Variants in UNC13A observed in about 807,000 individuals in gnomAD.
The protein encoded by UNC13A is unc-13 homolog A.
Under a neutral mutation model 219.7 loss-of-function variants are expected in UNC13A, and 61 were observed. The ratio of observed to expected loss-of-function variants is 0.28; its 90% CI spans 0.23 to 0.34. UNC13A has a LOEUF of 0.34. Among genes scored for constraint, UNC13A ranks in the 10% least tolerant of loss-of-function variants. UNC13A has a pLI of 1.00. For synonymous variants in UNC13A, 920 were observed against 884.6 expected (o/e 1.04, Z -0.71); for missense variants, 1,476 against 2,270.3 (o/e 0.65, Z 7.11).
In UNC13A at chr19:17,620,672, A is replaced by C. The variant is rs368358069; in HGVS notation, c.4272+21T>G. On this transcript the variant is annotated intron_variant, in intron 38 of 43. Coordinates refer to ENST00000519716, the MANE Select transcript of UNC13A (RefSeq NM_001080421.3). The stretch of plus-strand genomic sequence containing the variant: ...GGGGAGTGGGATGGGAGCCAGACAG[A>C]CAGTGAGAGGCCGGTCTTACGTCTG... 128 of 1,611,142 alleles carry C rather than the reference A, an allele frequency of 7.9e-5. 1 individual carries two copies. In the Middle Eastern group the frequency reaches 2.3e-3, roughly 29 times the overall value.
At chr19:17,630,522 A>G (rs1444180530) in intron 29 of UNC13A, 132 bp downstream of exon 29, 2 of 1,205,996 alleles carry the variant, frequency 1.7e-6, no homozygotes, top group African/African-American at 3.1e-5. Context: ...TGAACAAAAG[A>G]TTTTAAAAAC....
intron 1 of UNC13A, among the ~76,000 whole-genome samples, chr19:17,683,100 C>T (rs1228933398): frequency 6.6e-6 from 1 of 152,052 alleles, no homozygotes; most frequent in Non-Finnish European, 1.5e-5. Flanking sequence ...AAGGCAATCC[C>T]AGGGCAGAAC....
chr19:17,610,109 G>C lies in UNC13A; in HGVS notation c.4652-10C>G. On this transcript the variant is annotated splice_polypyrimidine_tract_variant and intron_variant, in intron 42 of 43. Transcript: ENST00000519716. ...TCATTGGCAGCCACCACTGTTGGAG[G>C]AAGTAGAGGGTAAGACAGGTCAGGT... The C allele has an allele frequency of 6.2e-7, 1 of 1,613,866 alleles. No individual in the cohort carries two copies. The highest frequency in any genetic ancestry group is 2.2e-5 in the East Asian group (1 of 44,900).
At chr19:17,672,529 A>T in intron 3 of UNC13A, 34 bp from the exon 4 acceptor site, 1 of 1,583,510 alleles carries the variant, frequency 6.3e-7, no homozygotes, top group Non-Finnish European at 8.6e-7. Context: ...TCGAGGGAGC[A>T]GGAGGGAGGA....
rs1040780058 is a variant in UNC13A at position 17,617,773 on chromosome 19, T to G, written c.4487A>C (p.Tyr1496Ser). The G allele has an allele frequency of 1.9e-6, 3 of 1,613,452 alleles. No individual in the cohort carries two copies. The African/African-American group carries it at 4.0e-5, about 22-fold the overall frequency. Residue 1496 changes from tyrosine to serine, a missense_variant, in exon 41 of 44, where the codon TAT becomes TCT. Around this residue, in one of 14 missense-constraint regions of UNC13A, gnomAD observed 77 missense variants for 94.8 expected, o/e 0.81. Transcript: ENST00000519716. The stretch of plus-strand genomic sequence containing the variant: ...GGCCTGCGTGTAGAGCGACAGGGCA[T>G]AGCGCAAGGATTGCAGGTCCGGGCT... ...EKSPDLQSLR[Y>S]ALSLYTQATD...
chr19:17,642,660 G>T (rs1230546196), intron 20 of UNC13A, among the ~76,000 whole-genome samples, 185 bp downstream of exon 20: 2 of 152,190 alleles, frequency 1.3e-5, no homozygotes, highest in Non-Finnish European at 2.9e-5. Flanking sequence ...GGGCTTCCCA[G>T]AGGAGGTGAC....
At chr19:17,624,413 C>T (rs1185583142) in intron 35 of UNC13A, among the ~76,000 whole-genome samples, 1 of 152,088 alleles carries the variant, frequency 6.6e-6, no homozygotes, top group Non-Finnish European at 1.5e-5. Flanking sequence ...AGCCACGGTG[C>T]CTGGCCAATG....
intron 4 of UNC13A, among the ~76,000 whole-genome samples, chr19:17,671,423 A>G (rs1217267805): frequency 6.6e-6 from 1 of 151,948 alleles, no homozygotes; most frequent in East Asian, 1.9e-4. Flanking sequence ...CAGCATGGAG[A>G]GGTTGAGACT....
At position 17,606,237 on chromosome 19, in the gene UNC13A, C is replaced by T; in HGVS notation, c.4929G>A (p.Leu1643=). Residue 1643 remains leucine, a synonymous_variant, in exon 44 of 44, where the codon CTG becomes CTA. Coordinates refer to ENST00000519716, the MANE Select transcript of UNC13A (RefSeq NM_001080421.3). ...VGLAVLQLRE[L]AQRGSAACWL... ...AGCAGGCGGCGCTCCCGCGCTGGGCCAGCTCACGCAGCTGCAGCACGGCCA... is the reference window on the plus strand; with the variant it reads ...AGCAGGCGGCGCTCCCGCGCTGGGCTAGCTCACGCAGCTGCAGCACGGCCA... The T allele has an allele frequency of 6.5e-7, 1 of 1,548,498 alleles. No homozygotes were observed.
Position 17,674,834 on chromosome 19 carries a change from C to CT in UNC13A, c.53-79dup. ...CCCTTCCCAAGCTCTAGACCATCTG[C>CT]TGTGATCCCCTCAGGAATTTCTGGG... On this transcript the variant is annotated intron_variant, in intron 2 of 43. Transcript: ENST00000519716. This position sits in a 1 kb window ranked among gnomAD's most constrained non-coding sequence, Gnocchi z 5.0. The CT allele has an allele frequency of 4.0e-6, 5 of 1,248,760 alleles. No individual in the cohort carries two copies. The Admixed American group carries it at 8.7e-5, about 22-fold the overall frequency. The allele number at this position is 1,248,760 out of a possible 1,614,324, so 77.4% of individuals were successfully genotyped here. A position where few individuals can be genotyped will look rare whatever the true frequency, so the allele number is the denominator to read the frequency against.
chr19:17,606,660 C>G (rs1363439879), intron 43 of UNC13A, among the ~76,000 whole-genome samples: 2 of 151,682 alleles, frequency 1.3e-5, no homozygotes, highest in African/African-American at 4.9e-5. Flanking sequence ...CCCTGCAAGG[C>G]CATGCTCCCA....
intron 7 of UNC13A, 104 bp from the exon 8 acceptor site, chr19:17,663,671 C>T (rs2079592030): frequency 8.4e-7 from 1 of 1,192,992 alleles, no homozygotes; most frequent in Non-Finnish European, 1.2e-6. Context: ...GCTCCCCCCA[C>T]CCCAAAAGTC....
intron 25 of UNC13A, 65 bp downstream of exon 25, chr19:17,639,018 G>A: frequency 6.6e-7 from 1 of 1,505,690 alleles, no homozygotes; most frequent in South Asian, 1.3e-5. Context: ...GAAGGGGCAG[G>A]GCTGGGACTG....
At position 17,684,484 on chromosome 19, in the gene UNC13A, A is replaced by G. The variant is rs536208614; in HGVS notation, c.22+3694T>C. Among the ~76,000 whole-genome samples, 3 of 152,356 alleles carry G rather than the reference A, an allele frequency of 2.0e-5. No homozygotes were observed. The East Asian group carries it at 5.8e-4, about 29-fold the overall frequency. On this transcript the variant is annotated intron_variant, in intron 1 of 43. Coordinates refer to ENST00000519716, the MANE Select transcript of UNC13A (RefSeq NM_001080421.3). ...TAATGCTTGTTGCATAAATAAAATA[A>G]GTGACTTCATGAAGGAACCAGGTGG...
At position 17,618,891 on chromosome 19, in the gene UNC13A, A is replaced by G. The variant is rs1330796755; in HGVS notation, c.4329+15T>C. 2.5e-6 allele frequency: 4 copies of G among 1,613,664 alleles called. No individual in the cohort carries two copies. In the African/African-American group the frequency reaches 5.3e-5, roughly 22 times the overall value. On this transcript the variant is annotated intron_variant, in intron 39 of 43. Transcript: ENST00000519716. ...GGGGCAGTCCCTCACGCCATAATCT[A>G]TCCCCACTCCTCACCTTGAGTTTGG...
rs761142204 is a variant in UNC13A at position 17,649,097 on chromosome 19, A to G, written c.1525-114T>C. 2.8e-5 allele frequency: 35 copies of G among 1,257,208 alleles called. No individual in the cohort carries two copies. The highest frequency in any genetic ancestry group is 9.6e-5 in the Admixed American group (4 of 41,708). The allele number at this position is 1,257,208 out of a possible 1,614,324, so 77.9% of individuals were successfully genotyped here. On this transcript the variant is annotated intron_variant, in intron 14 of 43. Transcript: ENST00000519716. This position sits in a 1 kb window ranked among gnomAD's most constrained non-coding sequence, Gnocchi z 4.4. ...GCCACATTTTGGAGCCACAACCGCAAGTTGGAAACAGGTCACCGACAGCAT... is the reference window on the plus strand; with the variant it reads ...GCCACATTTTGGAGCCACAACCGCAGGTTGGAAACAGGTCACCGACAGCAT...
chr19:17,625,058 C>A, intron 34 of UNC13A, 106 bp from the exon 35 acceptor site: 1 of 1,502,868 alleles, frequency 6.7e-7, no homozygotes, highest in South Asian at 1.3e-5. Context: ...AAAGAGGGCC[C>A]ACAGCCTGTA....
At position 17,659,848 on chromosome 19, in the gene UNC13A, A is replaced by G. The variant is rs144113562; in HGVS notation, c.560-1579T>C. Among the ~76,000 whole-genome samples the G allele has an allele frequency of 2.8e-3, 418 of 151,622 alleles. 3 individuals are homozygous for G. The highest frequency in any genetic ancestry group is 9.5e-3 in the African/African-American group (392 of 41,326). Reference sequence around the variant, plus strand: ...GAAGAGGATGTAAAAAAATGAAAAAACCCCCAGACCCCAAAATCTCAGAGC... The same window carrying G: ...GAAGAGGATGTAAAAAAATGAAAAAGCCCCCAGACCCCAAAATCTCAGAGC... On this transcript the variant is annotated intron_variant, in intron 8 of 43. Transcript: ENST00000519716.
chr19:17,642,663 G>A (rs529733848), intron 20 of UNC13A, among the ~76,000 whole-genome samples, 182 bp downstream of exon 20: 4 of 152,150 alleles, frequency 2.6e-5, no homozygotes, highest in African/African-American at 7.2e-5. Context: ...CTTCCCAGAG[G>A]AGGTGACCCT....
Sources: allele counts gnomAD v4.1 joint callset (sites outside exome capture counted in the v4.1 genomes callset), GRCh38; gene constraint gnomAD v4.1.1; regional missense constraint gnomAD v4.1.1; non-coding constraint Gnocchi (gnomAD v3.1); transcripts MANE v1.5; gene names NCBI Gene and HGNC (gene_info 2026-07-23, HGNC 2026-07-21).